PTPRD: variants seen among roughly 807,000 people sequenced by gnomAD.
PTPRD encodes receptor-type tyrosine-protein phosphatase delta.
A neutral mutation model predicts 214.5 loss-of-function variants in PTPRD; 34 were observed. The ratio of observed to expected loss-of-function variants is 0.16; its 90% CI spans 0.12 to 0.21. The LOEUF (loss-of-function observed/expected upper bound fraction) is 0.21, where lower values mean the gene tolerates loss of function less well. PTPRD is among the 10% of genes least tolerant of loss of function. The pLI is 1.00. For missense variants in PTPRD, 2,545 were observed against 2,398.7 expected (o/e 1.06, Z -1.27); for synonymous variants, 1,128 against 845.7 (o/e 1.33, Z -5.79).
At chr9:9,422,636 G>A (rs2079235646) in intron 8 of PTPRD, among the ~76,000 whole-genome samples, 2 of 152,126 alleles carry the variant, frequency 1.3e-5, no homozygotes, top group Non-Finnish European at 1.5e-5. Flanking sequence ...ATGTCAGATA[G>A]ACGCTGCCAC....
At chr9:9,411,476 G>T (rs1004754250) in intron 8 of PTPRD, among the ~76,000 whole-genome samples, 2 of 152,068 alleles carry the variant, frequency 1.3e-5, no homozygotes, top group South Asian at 4.1e-4. Context: ...CTAAACAAAA[G>T]CAGCCAAATT....
rs572800617 is a variant in PTPRD, at chr9:9,219,372, G to C, written c.-202-36009C>G. The stretch of plus-strand genomic sequence containing the variant: ...TTTGTTCAAAATATCAAATTTCACA[G>C]ATGATTTATTCCATAATGATAATGC... On this transcript the variant is annotated intron_variant, in intron 9 of 45. Coordinates refer to ENST00000381196, the MANE Select transcript of PTPRD (RefSeq NM_002839.4). 4.6e-5 allele frequency among the ~76,000 whole-genome samples: 7 copies of C among 151,822 alleles called. No homozygotes were observed. In the South Asian group the frequency reaches 1.0e-3, roughly 23 times the overall value.
chr9:10,382,820 C>T (rs905627762), intron 2 of PTPRD, among the ~76,000 whole-genome samples: 1 of 151,788 alleles, frequency 6.6e-6, no homozygotes, highest in African/African-American at 2.4e-5. Flanking sequence ...AAATGCAAAG[C>T]ACAAATGATA....
intron 11 of PTPRD, among the ~76,000 whole-genome samples, chr9:8,867,357 C>T (rs1332095970): frequency 6.6e-6 from 1 of 152,158 alleles, no homozygotes; most frequent in African/African-American, 2.4e-5. Context: ...TGCCCTCCCC[C>T]TTGGCAAAGA....
At chr9:8,798,285 C>T (rs975524234) in intron 11 of PTPRD, among the ~76,000 whole-genome samples, 1 of 152,006 alleles carries the variant, frequency 6.6e-6, no homozygotes. Context: ...TCATTAAGTC[C>T]AGTTCTCCAG....
At chr9:9,853,413 A>T (rs1280807134) in intron 5 of PTPRD, among the ~76,000 whole-genome samples, 1 of 152,244 alleles carries the variant, frequency 6.6e-6, no homozygotes, top group African/African-American at 2.4e-5. Context: ...ATATGAAAAC[A>T]GGCAATGGAC....
chr9:9,742,420 C>T (rs137969688), intron 6 of PTPRD, among the ~76,000 whole-genome samples: 91 of 152,160 alleles, frequency 6.0e-4, no homozygotes, highest in African/African-American at 2.1e-3. Context: ...TTAGAAGCAT[C>T]ATGTATTCAG....
intron 8 of PTPRD, among the ~76,000 whole-genome samples, chr9:9,561,079 G>A (rs923114581): frequency 6.6e-6 from 1 of 152,136 alleles, no homozygotes; most frequent in Non-Finnish European, 1.5e-5. Context: ...GCATTAGCAG[G>A]GCAGTTATAC....
At chr9:8,396,154 C>T (rs948970707) in intron 36 of PTPRD, among the ~76,000 whole-genome samples, 3 of 152,048 alleles carry the variant, frequency 2.0e-5, no homozygotes, top group South Asian at 2.1e-4. Context: ...ATATGAATAT[C>T]ATAATCAAAA....
At chr9:9,796,221 G>C (rs1238538082) in intron 5 of PTPRD, among the ~76,000 whole-genome samples, 2 of 152,084 alleles carry the variant, frequency 1.3e-5, no homozygotes, top group African/African-American at 4.8e-5. Context: ...AAGAAAAGGA[G>C]GCTGGGATAT....
chr9:8,819,774 A>T (rs1037410802), intron 11 of PTPRD, among the ~76,000 whole-genome samples: 2 of 152,240 alleles, frequency 1.3e-5, no homozygotes, highest in South Asian at 4.1e-4. Context: ...CCTTTGTGAC[A>T]CAGCATCGTG....
chr9:10,039,782 C>T (rs1167580670), intron 3 of PTPRD, among the ~76,000 whole-genome samples: 4 of 151,714 alleles, frequency 2.6e-5, no homozygotes, highest in Non-Finnish European at 4.4e-5. Flanking sequence ...AAATTGGATA[C>T]GACTGCTTTG....
At position 8,373,884 on chromosome 9, in the gene PTPRD, A is replaced by G. The variant is rs948709859; in HGVS notation, c.4661+2052T>C. Among the ~76,000 whole-genome samples, 665 of 100,584 alleles carry G rather than the reference A, an allele frequency of 6.6e-3. 7 individuals are homozygous for G. Among genetic ancestry groups the G allele is most frequent in the African/African-American group, 0.052 (591 of 11,406 alleles). The allele number at this position is 100,584 out of a possible 152,430, so 66.0% of individuals were successfully genotyped here. A position where few individuals can be genotyped will look rare whatever the true frequency, so the allele number is the denominator to read the frequency against. On this transcript the variant is annotated intron_variant, in intron 39 of 45. Coordinates refer to ENST00000381196, the MANE Select transcript of PTPRD (RefSeq NM_002839.4). ...TGTCTGTCTATCTATCTATCTATCT[A>G]TCTATCTATCTATCTATCTATCTAT...
chr9:8,338,917 C>A lies in PTPRD; in HGVS notation c.5379+5G>T. ...GGTTAAGAGTTGAAGACTGTGCCAA[C>A]TTACCCTGGCATCTGTGACCTTGAA... On this transcript the variant is annotated splice_donor_5th_base_variant and intron_variant, in intron 43 of 45. Coordinates refer to ENST00000381196, the MANE Select transcript of PTPRD (RefSeq NM_002839.4). 1.2e-6 allele frequency: 2 copies of A among 1,603,746 alleles called. No individual in the cohort carries two copies.
chr9:10,140,007 T>C (rs1046990707), intron 3 of PTPRD, among the ~76,000 whole-genome samples: 2 of 151,924 alleles, frequency 1.3e-5, no homozygotes, highest in Non-Finnish European at 2.9e-5. Flanking sequence ...TCCTCAAAAC[T>C]AGTTGCAACA....
chr9:8,486,936 C>T (rs1217486170), intron 27 of PTPRD, among the ~76,000 whole-genome samples: 1 of 152,082 alleles, frequency 6.6e-6, no homozygotes, highest in Admixed American at 6.5e-5. Flanking sequence ...GCAAACCCAC[C>T]TCTGTCTGGA....
intron 3 of PTPRD, among the ~76,000 whole-genome samples, chr9:10,264,854 G>C (rs1194380462): frequency 6.6e-6 from 1 of 152,098 alleles, no homozygotes; most frequent in Non-Finnish European, 1.5e-5. Flanking sequence ...TTGTGGGAGG[G>C]ACCCAGGGGG....
intron 15 of PTPRD, 49 bp downstream of exon 15, chr9:8,528,541 TA>T (rs3215749): frequency 0.14 from 177,732 of 1,252,120 alleles, 10,079 homozygotes; most frequent in East Asian, 0.27. Flanking sequence ...AGAGAAAAAT[TA>T]AAAAAAAAAA....
intron 7 of PTPRD, among the ~76,000 whole-genome samples, chr9:9,585,642 T>C (rs1479196184): frequency 6.6e-6 from 1 of 152,036 alleles, no homozygotes; most frequent in Non-Finnish European, 1.5e-5. Flanking sequence ...TACTGATTCT[T>C]CCCTTTCTTT....
Sources: gnomAD v4.1 joint callset for allele counts (sites outside exome capture counted in the v4.1 genomes callset) on GRCh38, gnomAD v4.1.1 for gene constraint, MANE v1.5 for transcripts, NCBI Gene and HGNC (gene_info 2026-07-23, HGNC 2026-07-21) for gene names.